Variants in IFNAR2 observed in about 807,000 individuals in gnomAD.
The protein encoded by IFNAR2 is interferon alpha/beta receptor 2.
Under a neutral mutation model 49.4 loss-of-function variants are expected in IFNAR2, and 30 were observed. The ratio of observed to expected loss-of-function variants is 0.61; its 90% confidence interval spans 0.45 to 0.82. The LOEUF (loss-of-function observed/expected upper bound fraction) is 0.82, where lower values mean the gene tolerates loss of function less well. Ranked by LOEUF, IFNAR2 falls within the 40% of genes least tolerant of loss-of-function variation. IFNAR2 has a pLI of 0.00. For missense variants in IFNAR2, 600 were observed against 622.7 expected, an observed-to-expected ratio of 0.96 and a Z score of 0.39; for synonymous variants, 224 against 234.5, an observed-to-expected ratio of 0.96 and a Z score of 0.41.
chr21:33,237,331 A>G (rs984824491), intron 1 of IFNAR2, among the ~76,000 whole-genome samples: 1 of 151,986 alleles, frequency 6.6e-6, no homozygotes, highest in African/African-American at 2.4e-5. Flanking sequence ...CAAGAGTTCA[A>G]GACCAGCCTG....
At chr21:33,239,063 T>C (rs1201530631) in intron 1 of IFNAR2, among the ~76,000 whole-genome samples, 1 of 152,172 alleles carries the variant, frequency 6.6e-6, no homozygotes, top group Non-Finnish European at 1.5e-5. Flanking sequence ...TGTAAATTGG[T>C]ATAGCCCCGC....
At chr21:33,235,974 G>A (rs1453557852) in intron 1 of IFNAR2, among the ~76,000 whole-genome samples, 1 of 152,068 alleles carries the variant, frequency 6.6e-6, no homozygotes, top group Admixed American at 6.5e-5. Context: ...TGAATTATTA[G>A]CATGAATATT....
chr21:33,236,185 G>T (rs925878488), intron 1 of IFNAR2, among the ~76,000 whole-genome samples: 12 of 152,050 alleles, frequency 7.9e-5, no homozygotes, highest in Non-Finnish European at 1.8e-4. Flanking sequence ...GCCACCCAAG[G>T]GAGCCCTCCC....
At position 33,239,727 on chromosome 21, in the gene IFNAR2, T is replaced by C. The variant is rs13052631; in HGVS notation, c.-83-2113T>C. Among the ~76,000 whole-genome samples the C allele has an allele frequency of 3.0e-5, 4 of 134,146 alleles. No individual in the cohort carries two copies. The Admixed American group carries it at 3.0e-4, about 10-fold the overall frequency. 88.0% of individuals were successfully genotyped at this position (134,146 alleles called of 152,430 possible). ...AATGTTACAGCCCTCAATGTTGTGA[T>C]CTGCAGGTTCTGTACTCTCCCTCCT... On this transcript the variant is annotated intron_variant, in intron 1 of 8. Coordinates refer to ENST00000342136, the MANE Select transcript of IFNAR2 (RefSeq NM_001289125.3).
chr21:33,248,915 T>C, intron 6 of IFNAR2, 61 bp downstream of exon 6: 2 of 1,209,508 alleles, frequency 1.7e-6, no homozygotes, highest in Non-Finnish European at 2.3e-6. Flanking sequence ...TGCACTTGAC[T>C]GTCTCTTTTG....
chr21:33,256,153 T>C (rs1052885919), intron 7 of IFNAR2, among the ~76,000 whole-genome samples: 2 of 152,140 alleles, frequency 1.3e-5, no homozygotes, highest in African/African-American at 2.4e-5. Flanking sequence ...TCCTTGGAGG[T>C]TGATGAATTC....
At chr21:33,252,248 G>T in intron 6 of IFNAR2, 1 of 456,620 alleles carries the variant, frequency 2.2e-6, no homozygotes, top group South Asian at 1.6e-5. Flanking sequence ...GTTGAATGGA[G>T]GTAATGCCTA....
At chr21:33,252,081 C>CATCTATCTATCTATCT (rs61192253) in intron 6 of IFNAR2, 8,608 of 380,904 alleles carry the variant, frequency 0.023, 191 homozygotes, top group African/African-American at 0.051. Flanking sequence ...AGACCCCATC[C>CATCTATCTATCTATCT]ATCTATCTAT....
At position 33,244,990 on chromosome 21, in the gene IFNAR2, G is replaced by T; in HGVS notation, c.137G>T (p.Arg46Leu). The part of the protein sequence containing the change: ...DESCTFKISL[R>L]NFRSILSWEL... ...TCTTGCACTTTCAAGATATCATTGC[G>T]AAATTTCCGGTCCATCTTATCATGG... The change falls in exon 4 of 9, where the codon CGA (arginine) becomes CTA (leucine). Residue 46 changes from arginine to leucine, a missense_variant. Coordinates refer to ENST00000342136, the MANE Select transcript of IFNAR2 (RefSeq NM_001289125.3). 1 of 1,609,558 alleles carries T rather than the reference G, an allele frequency of 6.2e-7. No individual in the cohort carries two copies. The highest frequency in any genetic ancestry group is 8.5e-7 in the Non-Finnish European group (1 of 1,176,704).
rs1985938742 is a variant in IFNAR2 at position 33,230,246 on chromosome 21, G to A, written c.-84+30G>A. On this transcript the variant is annotated intron_variant, in intron 1 of 8. Transcript: ENST00000342136. The surrounding 1 kb of genome is among the most constrained non-coding windows in gnomAD (Gnocchi z 5.5). ...CGCAGCGTGGCGGGGTCGCGGGAGC[G>A]GAGCGCGTGGCCAGCTGACTGGAGG... 5.5e-6 allele frequency: 6 copies of A among 1,091,832 alleles called. No individual in the cohort carries two copies. Among genetic ancestry groups the A allele is most frequent in the Non-Finnish European group, 1.1e-6 (1 of 890,040 alleles). The allele number at this position is 1,091,832 out of a possible 1,614,324, so 67.6% of individuals were successfully genotyped here. A position where few individuals can be genotyped will look rare whatever the true frequency, so the allele number is the denominator to read the frequency against.
rs1000683323 is a variant in IFNAR2, at chr21:33,253,481, T to A, written c.709+651T>A. Among the ~76,000 whole-genome samples, 21 of 152,182 alleles carry A rather than the reference T, an allele frequency of 1.4e-4. No homozygotes were observed. The South Asian group carries it at 3.7e-3, about 27-fold the overall frequency. ...TACCAAAAGTGAGAAGCTATGCAAG[T>A]CTCCCTCAAAGAAGCCCTTCTAAAT... On this transcript the variant is annotated intron_variant, in intron 7 of 8. Coordinates refer to ENST00000342136, the MANE Select transcript of IFNAR2 (RefSeq NM_001289125.3).
intron 8 of IFNAR2, chr21:33,262,572 C>T: frequency 1.4e-6 from 1 of 716,732 alleles, no homozygotes; most frequent in African/African-American, 1.7e-5. Flanking sequence ...GGCAAGGTCT[C>T]GCTAAGGGCT....
At chr21:33,231,304 G>A (rs1228987445) in intron 1 of IFNAR2, among the ~76,000 whole-genome samples, 2 of 152,230 alleles carry the variant, frequency 1.3e-5, no homozygotes, top group African/African-American at 4.8e-5. Flanking sequence ...TTAGGGCATA[G>A]CTGATAAGGC....
At position 33,252,860 on chromosome 21, in the gene IFNAR2, G is replaced by T. The variant is rs528270836; in HGVS notation, c.709+30G>T. The T allele has an allele frequency of 4.6e-6, 7 of 1,537,952 alleles. No homozygotes were observed. In the South Asian group the frequency reaches 6.7e-5, roughly 15 times the overall value. ...GTTCATTTTTTTAAATTCATGTTTT[G>T]AGTATTCATGCTTTTACTCTGAGGG... On this transcript the variant is annotated intron_variant, in intron 7 of 8. Transcript: ENST00000342136.
rs760221796 is a variant in IFNAR2 at position 33,263,156 on chromosome 21, C to T, written c.1204C>T (p.Leu402Phe). The change falls in exon 9 of 9, where the codon CTC becomes TTC. Residue 402 changes from leucine (L) to phenylalanine (F), a missense_variant. Coordinates refer to ENST00000342136, the MANE Select transcript of IFNAR2 (RefSeq NM_001289125.3). The part of the protein sequence containing the change: ...SGPCERRKSP[L>F]QDPFPEEDYS... ...GCCCTGTGAGAGGAGAAAGAGTCCA[C>T]TCCAGGACCCTTTTCCCGAAGAGGA... 4 of 1,614,078 alleles carry T rather than the reference C, an allele frequency of 2.5e-6. No homozygotes were observed. In the African/African-American group the frequency reaches 4.0e-5, roughly 16 times the overall value.
chr21:33,234,958 G>C (rs1183258723), intron 1 of IFNAR2, among the ~76,000 whole-genome samples: 13 of 152,222 alleles, frequency 8.5e-5, no homozygotes, highest in African/African-American at 3.1e-4. Context: ...TGCTAAACAA[G>C]TGGTGGATTA....
intron 7 of IFNAR2, among the ~76,000 whole-genome samples, chr21:33,257,253 T>C (rs905950687): frequency 6.6e-6 from 1 of 152,210 alleles, no homozygotes. Flanking sequence ...GCCAATGGGT[T>C]CGTGGTCTCG....
rs35083825 is a variant in IFNAR2, at chr21:33,238,774, T to TA, written c.-83-3052dup. ...CTCATATCACAGTTTCCCTTCTACT[T>TA]AAAAAAAAAAAAAACTGCAAACCAG... On this transcript the variant is annotated intron_variant, in intron 1 of 8. Transcript: ENST00000342136. 2.2e-3 allele frequency among the ~76,000 whole-genome samples: 307 copies of TA among 141,700 alleles called. 1 individual carries two copies. The highest frequency in any genetic ancestry group is 4.7e-3 in the African/African-American group (182 of 38,730). The allele number at this position is 141,700 out of a possible 152,430, so 93.0% of individuals were successfully genotyped here.
intron 2 of IFNAR2, among the ~76,000 whole-genome samples, 199 bp from the exon 3 acceptor site, chr21:33,243,474 T>C (rs1184691919): frequency 6.6e-6 from 1 of 152,180 alleles, no homozygotes; most frequent in Non-Finnish European, 1.5e-5. Flanking sequence ...TTATTTTATC[T>C]CAGATCACAG....
Sources: gnomAD v4.1 joint callset for allele counts (sites outside exome capture counted in the v4.1 genomes callset) on GRCh38, gnomAD v4.1.1 for gene constraint, Gnocchi (gnomAD v3.1) non-coding constraint, MANE v1.5 for transcripts, NCBI Gene and HGNC (gene_info 2026-07-23, HGNC 2026-07-21) for gene names.